Variants in NID2 observed in about 807,000 individuals in gnomAD.
NID2 encodes nidogen-2.
Under a neutral mutation model 145.4 loss-of-function variants are expected in NID2, and 83 were observed. That is an observed-to-expected ratio of 0.57 (90% confidence interval 0.48 to 0.69). The LOEUF (loss-of-function observed/expected upper bound fraction) is 0.69. NID2 is among the 30% of genes least tolerant of loss of function. NID2 has a pLI of 0.00. For synonymous variants in NID2, 739 were observed against 701.3 expected (o/e 1.05, Z -0.85); for missense variants, 1,807 against 1,765.7 (o/e 1.02, Z -0.42).
At chr14:52,039,513 T>C (rs959730883) in intron 8 of NID2, among the ~76,000 whole-genome samples, 1 of 152,224 alleles carries the variant, frequency 6.6e-6, no homozygotes, top group African/African-American at 2.4e-5. Context: ...TCTCTCACCA[T>C]CTGAGTCTAG....
At chr14:52,030,064 A>G (rs562763790) in intron 9 of NID2, among the ~76,000 whole-genome samples, 1 of 152,182 alleles carries the variant, frequency 6.6e-6, no homozygotes, top group Non-Finnish European at 1.5e-5. Flanking sequence ...AGATAAGGAA[A>G]TCAAGTGAGA....
At position 52,060,237 on chromosome 14, in the gene NID2, C is replaced by G. The variant is rs780713002; in HGVS notation, c.654G>C (p.Gln218His). 2 of 1,613,968 alleles carry G rather than the reference C, an allele frequency of 1.2e-6. No individual in the cohort carries two copies. The highest frequency in any genetic ancestry group is 1.3e-5 in the African/African-American group (1 of 74,962). Reference sequence around the variant, plus strand: ...AGCCCACCCGAGCTGGAAGCTGAAGCTGGACATTGTAAGACTCTTTGGGGC... The same window carrying G: ...AGCCCACCCGAGCTGGAAGCTGAAGGTGGACATTGTAAGACTCTTTGGGGC... ...GTRPKESYNV[Q>H]LQLPARVGFC... Residue 218 changes from glutamine (Q) to histidine (H), a missense_variant, in exon 3 of 22, where the codon CAG (glutamine) becomes CAC (histidine). Coordinates refer to ENST00000216286, the MANE Select transcript of NID2 (RefSeq NM_007361.4).
At chr14:52,035,845 A>C (rs992669084) in intron 9 of NID2, among the ~76,000 whole-genome samples, 29 of 36,348 alleles carry the variant, frequency 8.0e-4, no homozygotes, top group African/African-American at 2.6e-3. Flanking sequence ...CACCTGGCTA[A>C]ATTTTTTTGT....
At position 52,038,826 on chromosome 14, in the gene NID2, C is replaced by A. The variant is rs779837838; in HGVS notation, c.2178G>T (p.Val726=). The part of the protein sequence containing the change: ...PSFPTTQQLN[V]DRVFALYNDE... Reference sequence around the variant, plus strand: ...CATTATACAAGGCAAAGACCCGGTCCACGTTCAGCTGCTGGGTGGTGGGGA... The same window carrying A: ...CATTATACAAGGCAAAGACCCGGTCAACGTTCAGCTGCTGGGTGGTGGGGA... Residue 726 remains valine, a synonymous_variant, in exon 9 of 22, where the codon GTG becomes GTT. Coordinates refer to ENST00000216286, the MANE Select transcript of NID2 (RefSeq NM_007361.4). The A allele has an allele frequency of 1.1e-5, 17 of 1,613,648 alleles. No individual in the cohort carries two copies. Among genetic ancestry groups the A allele is most frequent in the Admixed American group, 1.7e-5 (1 of 59,934 alleles).
rs1456459308 is a variant in NID2, at chr14:52,019,199, C to T, written c.2890G>A (p.Asp964Asn). ...AGGGGCAGGAAGTTGCCCTGCTCGTCGCATTGGGGGATGTGGAACCGGGCC... is the reference window on the plus strand; with the variant it reads ...AGGGGCAGGAAGTTGCCCTGCTCGTTGCATTGGGGGATGTGGAACCGGGCC... Reference protein sequence around the residue: ...PGARFHIPQCDEQGNFLPLQC... With the variant: ...PGARFHIPQCNEQGNFLPLQC... The change falls in exon 14 of 22, where the codon GAC becomes AAC. Residue 964 changes from aspartate (D) to asparagine (N), a missense_variant. Asp to Asn is a conservative substitution (Grantham distance 23, BLOSUM62 1). Coordinates refer to ENST00000216286, the MANE Select transcript of NID2 (RefSeq NM_007361.4). 5.0e-6 allele frequency: 8 copies of T among 1,613,744 alleles called. No individual in the cohort carries two copies. Among genetic ancestry groups the T allele is most frequent in the East Asian group, 4.5e-5 (2 of 44,868 alleles).
chr14:52,013,943 T>G (rs1891120260), intron 16 of NID2, among the ~76,000 whole-genome samples: 1 of 152,246 alleles, frequency 6.6e-6, no homozygotes, highest in South Asian at 2.1e-4. Flanking sequence ...TCCATGGAGA[T>G]GTTATGACAT....
intron 3 of NID2, among the ~76,000 whole-genome samples, chr14:52,058,373 T>C (rs976111309): frequency 1.3e-5 from 2 of 152,272 alleles, no homozygotes; most frequent in African/African-American, 4.8e-5. Context: ...CTTTTACTTT[T>C]ATTTCACATT....
At position 52,057,681 on chromosome 14, in the gene NID2, C is replaced by T. The variant is rs369961287; in HGVS notation, c.767+2443G>A. ...TCACACCACTACACTCCAGCCTGGG[C>T]GACAAGAGCGAACCTCCGTCTCAAA... On this transcript the variant is annotated intron_variant, in intron 3 of 21. Coordinates refer to ENST00000216286, the MANE Select transcript of NID2 (RefSeq NM_007361.4). Among the ~76,000 whole-genome samples the T allele has an allele frequency of 3.2e-4, 40 of 126,692 alleles. 1 individual carries two copies. The South Asian group carries it at 6.4e-3, about 20-fold the overall frequency. The allele number at this position is 126,692 out of a possible 152,430, so 83.1% of individuals were successfully genotyped here.
Position 52,042,303 on chromosome 14 carries a change from C to G in NID2, c.1627G>C (p.Gly543Arg), listed in dbSNP as rs757211128. The G allele has an allele frequency of 6.2e-7, 1 of 1,613,690 alleles. No individual in the cohort carries two copies. The highest frequency in any genetic ancestry group is 8.5e-7 in the Non-Finnish European group (1 of 1,179,690). The change falls in exon 7 of 22, where the codon GGC (glycine) becomes CGC (arginine). Residue 543 changes from glycine to arginine, a missense_variant. By Grantham distance (125) the Gly-to-Arg change is moderately radical. Coordinates refer to ENST00000216286, the MANE Select transcript of NID2 (RefSeq NM_007361.4). ...TCAGTGAAGTGCACGGGTGTATGGC[C>G]CACGTGGAGGTGGCCACTCACTTTC... is the stretch of plus-strand genomic sequence containing the variant. ...NGKVSGHLHV[G>R]HTPVHFTDVD...
chr14:52,042,739 A>C (rs1339907931), intron 6 of NID2, 43 bp downstream of exon 6: 1 of 1,597,840 alleles, frequency 6.3e-7, no homozygotes, highest in South Asian at 1.1e-5. Flanking sequence ...ACAGGTAAGC[A>C]GCAGGAATAG....
rs77258485 is a variant in NID2 at position 52,033,251 on chromosome 14, G to A, written c.2258-3561C>T. ...AACTAATTTACTCATTTAATCAAGG[G>A]GAAGAGCGGTTTTCCTTAAAGGAAC... On this transcript the variant is annotated intron_variant, in intron 9 of 21. Coordinates refer to ENST00000216286, the MANE Select transcript of NID2 (RefSeq NM_007361.4). 1.2e-3 allele frequency among the ~76,000 whole-genome samples: 183 copies of A among 152,180 alleles called. 9 individuals carry two copies. In the East Asian group the frequency reaches 0.032, roughly 26 times the overall value.
intron 12 of NID2, 37 bp from the exon 13 acceptor site, chr14:52,020,215 C>T: frequency 2.5e-6 from 4 of 1,610,998 alleles, no homozygotes; most frequent in South Asian, 2.2e-5. Context: ...AAGCAAAGAA[C>T]ACTATGACTT....
At chr14:52,062,235 T>C (rs1893039781) in intron 2 of NID2, among the ~76,000 whole-genome samples, 1 of 152,270 alleles carries the variant, frequency 6.6e-6, no homozygotes, top group African/African-American at 2.4e-5. Flanking sequence ...GCAGTTCTTT[T>C]AGTTCTCTAA....
rs146139281 is a variant in NID2 at position 52,019,219 on chromosome 14, C to T, written c.2870G>A (p.Arg957Gln). 642 of 1,613,224 alleles carry T rather than the reference C, an allele frequency of 4.0e-4. 3 individuals carry two copies. Among genetic ancestry groups the T allele is most frequent in the Non-Finnish European group, 3.7e-4 (433 of 1,179,272 alleles). Residue 957 changes from arginine (R) to glutamine (Q), a missense_variant, in exon 14 of 22, where the codon CGG becomes CAG. Coordinates refer to ENST00000216286, the MANE Select transcript of NID2 (RefSeq NM_007361.4). ...AQAQYAYPGA[R>Q]FHIPQCDEQG... ...CTCGTCGCATTGGGGGATGTGGAAC[C>T]GGGCCCCAGGGTAGGCATACTGGGC...
chr14:52,009,740 A>G (rs1273733605), intron 18 of NID2: 1 of 152,262 alleles, frequency 6.6e-6, no homozygotes, highest in Admixed American at 6.5e-5. Context: ...TCATACCTAT[A>G]ATCCCAGCAC....
Position 52,049,709 on chromosome 14 carries a change from ATGTT to A in NID2, c.1429+3866_1429+3869del, listed in dbSNP as rs1204738347. ...TGGAATGCTTTTTCGTCCAGTTTTC[ATGTT>A]TGTTTAATTTTGATGTGTGTGGCAT... On this transcript the variant is annotated intron_variant, in intron 5 of 21. Coordinates refer to ENST00000216286, the MANE Select transcript of NID2 (RefSeq NM_007361.4). Among the ~76,000 whole-genome samples the A allele has an allele frequency of 5.9e-5, 9 of 152,084 alleles. No individual in the cohort carries two copies. The East Asian group carries it at 1.5e-3, about 26-fold the overall frequency.
At chr14:52,015,952 G>C (rs917461161) in intron 14 of NID2, among the ~76,000 whole-genome samples, 74 of 152,178 alleles carry the variant, frequency 4.9e-4, no homozygotes, top group African/African-American at 1.7e-3. Context: ...CCACAGCCCA[G>C]TTTCCAGAAT....
rs1380147914 is a variant in NID2, at chr14:52,067,852, A to G, written c.534+6T>C. 3 of 1,611,072 alleles carry G rather than the reference A, an allele frequency of 1.9e-6. No individual in the cohort carries two copies. The highest frequency in any genetic ancestry group is 4.5e-5 in the East Asian group (2 of 44,896). ...CCTCAGCAGTCAAATATCCCTGGTC[A>G]CTTACCTCTCCCGAGGGCAGCGCCC... On this transcript the variant is annotated splice_donor_region_variant and intron_variant, in intron 2 of 21. Coordinates refer to ENST00000216286, the MANE Select transcript of NID2 (RefSeq NM_007361.4).
At chr14:52,032,226 C>T (rs149406165) in intron 9 of NID2, among the ~76,000 whole-genome samples, 252 of 152,324 alleles carry the variant, frequency 1.7e-3, no homozygotes, top group African/African-American at 5.7e-3. Context: ...TATTGATTCC[C>T]GTATTATTGG....
Sources: allele counts gnomAD v4.1 joint callset (sites outside exome capture counted in the v4.1 genomes callset), GRCh38; gene constraint gnomAD v4.1.1; transcripts MANE v1.5; gene names NCBI Gene and HGNC (gene_info 2026-07-23, HGNC 2026-07-21).